Variants in PRPF40B observed in about 807,000 individuals in gnomAD.
The protein encoded by PRPF40B is pre-mRNA-processing factor 40 homolog B.
In PRPF40B, 56 loss-of-function variants were observed where a neutral mutation model predicts 124.5. The observed-to-expected ratio is 0.45, with a 90% CI of 0.36 to 0.56. The LOEUF is 0.56. Among genes scored for constraint, PRPF40B ranks in the 20% least tolerant of loss-of-function variants. The pLI is 0.00. For synonymous variants in PRPF40B, 443 were observed against 426.4 expected (o/e 1.04, Z -0.48); for missense variants, 1,053 against 1,169.5 (o/e 0.90, Z 1.45).
In PRPF40B at chr12:49,642,741, A is replaced by T; in HGVS notation, c.2118+66A>T. ...AACTCATTAGACCAGTTCAACAGAG[A>T]CCTCAGTGGCCTCCCTCTTACCCTT... is the stretch of plus-strand genomic sequence containing the variant. On this transcript the variant is annotated intron_variant, in intron 21 of 25. Coordinates refer to ENST00000548825, the MANE Select transcript of PRPF40B (RefSeq NM_001031698.3). This position sits in a 1 kb window ranked among gnomAD's most constrained non-coding sequence, Gnocchi z 5.8. 6.5e-7 allele frequency: 1 copy of T among 1,536,880 alleles called. No individual in the cohort carries two copies. Among genetic ancestry groups the T allele is most frequent in the Non-Finnish European group, 8.9e-7 (1 of 1,127,266 alleles).
Position 49,633,883 on chromosome 12 carries a change from C to G in PRPF40B, c.606-3C>G. On this transcript the variant is annotated splice_polypyrimidine_tract_variant and splice_region_variant and intron_variant, in intron 9 of 25. Coordinates refer to ENST00000548825, the MANE Select transcript of PRPF40B (RefSeq NM_001031698.3). ...GGACACCGCCCTTCTGGCTCATCTG[C>G]AGGAAACAGCAGCAGCAGCTGCCAC... 6.2e-7 allele frequency: 1 copy of G among 1,614,022 alleles called. No homozygotes were observed. Among genetic ancestry groups the G allele is most frequent in the Non-Finnish European group, 8.5e-7 (1 of 1,180,020 alleles).
intron 1 of PRPF40B, chr12:49,623,831 G>A (rs1940436050): frequency 8.3e-7 from 1 of 1,200,864 alleles, no homozygotes; most frequent in Non-Finnish European, 1.0e-6. Flanking sequence ...TGCGAGAGTG[G>A]CGGGACTGGG....
chr12:49,636,949 TCTGTG>T, intron 16 of PRPF40B, 100 bp downstream of exon 16: 1 of 1,558,242 alleles, frequency 6.4e-7, no homozygotes, highest in South Asian at 1.2e-5. Context: ...GCCTGTTCTT[TCTGTG>T]CCTAGCCCTG....
At chr12:49,633,810 T>C (rs769010308) in intron 9 of PRPF40B, 76 bp from the exon 10 acceptor site, 7 of 1,607,066 alleles carry the variant, frequency 4.4e-6, no homozygotes, top group South Asian at 2.2e-5. Context: ...CTTCCCAGGA[T>C]AGAGAAACCA....
Position 49,642,131 on chromosome 12 carries a change from G to A in PRPF40B, c.1885-104G>A. 1 of 1,603,950 alleles carries A rather than the reference G, an allele frequency of 6.2e-7. No homozygotes were observed. Among genetic ancestry groups the A allele is most frequent in the African/African-American group, 1.3e-5 (1 of 74,840 alleles). Reference sequence around the variant, plus strand: ...CTATATTCCCAATTCAGGGGATGGTGGTAGAAGCCCAGACCCTAACTTTCC... The same window carrying A: ...CTATATTCCCAATTCAGGGGATGGTAGTAGAAGCCCAGACCCTAACTTTCC... On this transcript the variant is annotated intron_variant, in intron 19 of 25. Transcript: ENST00000548825. The surrounding 1 kb of genome is among the most constrained non-coding windows in gnomAD (Gnocchi z 5.8).
intron 15 of PRPF40B, 126 bp downstream of exon 15, chr12:49,636,119 ACT>A: frequency 8.5e-7 from 1 of 1,182,722 alleles, no homozygotes; most frequent in Non-Finnish European, 1.2e-6. Context: ...AGTACTCAAC[ACT>A]CACCCAGTCC....
At chr12:49,625,649 C>G (rs1393158808) in intron 1 of PRPF40B, among the ~76,000 whole-genome samples, 1 of 152,002 alleles carries the variant, frequency 6.6e-6, no homozygotes, top group African/African-American at 2.4e-5. Flanking sequence ...CCTCACTGGC[C>G]CAGGTGAACA....
rs1942055930 is a variant in PRPF40B at position 49,637,796 on chromosome 12, A to G, written c.1739A>G (p.Glu580Gly). ...VEELKARFHD[E>G]KKIIKDILKD... ...GAGTTGAAGGCACGATTCCATGATG[A>G]AAAGAAGATCATTAAGGACATCCTT... Residue 580 changes from glutamate (E) to glycine (G), a missense_variant, in exon 18 of 26, where the codon GAA becomes GGA. This residue lies in a region of PRPF40B where 895 missense variants were observed against 1,052.2 expected (regional missense o/e 0.85). Coordinates refer to ENST00000548825, the MANE Select transcript of PRPF40B (RefSeq NM_001031698.3). The G allele has an allele frequency of 1.2e-6, 2 of 1,609,650 alleles. No individual in the cohort carries two copies. The highest frequency in any genetic ancestry group is 4.5e-5 in the East Asian group (2 of 44,736).
Position 49,633,104 on chromosome 12 carries a change from G to C in PRPF40B, c.439G>C (p.Val147Leu). 1 of 1,596,226 alleles carries C rather than the reference G, an allele frequency of 6.3e-7. No homozygotes were observed. The highest frequency in any genetic ancestry group is 2.3e-5 in the East Asian group (1 of 44,042). Residue 147 changes from valine to leucine, a missense_variant, in exon 7 of 26, where the codon GTG becomes CTG. By Grantham distance (32) the Val-to-Leu change is conservative. Around this residue, in one of 2 missense-constraint regions of PRPF40B, gnomAD observed 895 missense variants for 1,052.2 expected, o/e 0.85. Transcript: ENST00000548825. ...DKQSVWEKPSVLKSKAELLLS... is the reference protein window; with the variant it reads ...DKQSVWEKPSLLKSKAELLLS... ...GCAGTCCGTGTGGGAGAAGCCCAGC[G>C]TGCTCAAGTCCAAGGCAGAGGTCCT...
At chr12:49,637,874 C>G in intron 18 of PRPF40B, 50 bp downstream of exon 18, 2 of 1,436,642 alleles carry the variant, frequency 1.4e-6, no homozygotes, top group Non-Finnish European at 9.8e-7. Context: ...GCAGGGCACA[C>G]TCCCTGCAGA....
At chr12:49,623,428 C>A (rs1273295250), upstream of PRPF40B, 21 of 605,550 alleles carry the variant, frequency 3.5e-5, no homozygotes, top group African/African-American at 4.1e-4. Flanking sequence ...CCGAACACAC[C>A]GGGCCGGTTG....
intron 15 of PRPF40B, 73 bp from the exon 16 acceptor site, chr12:49,636,643 A>G (rs573314221): frequency 3.8e-6 from 6 of 1,595,212 alleles, no homozygotes; most frequent in Non-Finnish European, 5.1e-6. Flanking sequence ...CATCGTTGAA[A>G]CATTAGGGGT....
At chr12:49,634,248 G>A in intron 10 of PRPF40B, 84 bp from the exon 11 acceptor site, 2 of 1,605,108 alleles carry the variant, frequency 1.2e-6, no homozygotes, top group Non-Finnish European at 1.7e-6. Context: ...GAACAAGGAG[G>A]GGGTGATATG....
At chr12:49,626,192 G>GTT (rs1940698099) in intron 1 of PRPF40B, among the ~76,000 whole-genome samples, 1 of 152,200 alleles carries the variant, frequency 6.6e-6, no homozygotes, top group Non-Finnish European at 1.5e-5. Context: ...TGTATACACT[G>GTT]TTTTCAAAGT....
Position 49,632,689 on chromosome 12 carries a change from G to C in PRPF40B, c.322+66G>C. 8 of 1,600,340 alleles carry C rather than the reference G, an allele frequency of 5.0e-6. No individual in the cohort carries two copies. In the South Asian group the frequency reaches 8.9e-5, roughly 18 times the overall value. On this transcript the variant is annotated intron_variant, in intron 5 of 25. Coordinates refer to ENST00000548825, the MANE Select transcript of PRPF40B (RefSeq NM_001031698.3). Reference sequence around the variant, plus strand: ...TGGGGGGCATAGGGGAGAGGGGACCGTGGACTGGAGCCCACCCTGGATCAT... The same window carrying C: ...TGGGGGGCATAGGGGAGAGGGGACCCTGGACTGGAGCCCACCCTGGATCAT...
In PRPF40B at chr12:49,642,230, C is replaced by T. The variant is rs774645544; in HGVS notation, c.1885-5C>T. The T allele has an allele frequency of 2.5e-6, 4 of 1,614,018 alleles. No individual in the cohort carries two copies. The highest frequency in any genetic ancestry group is 3.3e-5 in the Admixed American group (2 of 60,010). On this transcript the variant is annotated splice_region_variant and splice_polypyrimidine_tract_variant and intron_variant, in intron 19 of 25. Coordinates refer to ENST00000548825, the MANE Select transcript of PRPF40B (RefSeq NM_001031698.3). This position sits in a 1 kb window ranked among gnomAD's most constrained non-coding sequence, Gnocchi z 5.8. ...GACCCTGTTCCGTGTCCCTTCTTTC[C>T]TCAGCTGCTGGAGAAAGCAGAGGCA...
intron 1 of PRPF40B, among the ~76,000 whole-genome samples, chr12:49,624,892 G>C (rs939163804): frequency 6.6e-6 from 1 of 151,838 alleles, no homozygotes. Flanking sequence ...TAGTAAGGCA[G>C]ATCTTTGGGG....
In PRPF40B at chr12:49,642,737, A is replaced by G. The variant is rs1942844423; in HGVS notation, c.2118+62A>G. 6.5e-7 allele frequency: 1 copy of G among 1,543,848 alleles called. No individual in the cohort carries two copies. The highest frequency in any genetic ancestry group is 1.9e-5 in the Admixed American group (1 of 53,898). ...CTTGAACTCATTAGACCAGTTCAAC[A>G]GAGACCTCAGTGGCCTCCCTCTTAC... On this transcript the variant is annotated intron_variant, in intron 21 of 25. Transcript: ENST00000548825. The surrounding 1 kb of genome is among the most constrained non-coding windows in gnomAD (Gnocchi z 5.8).
At chr12:49,640,442 G>T (rs1942467871) in intron 18 of PRPF40B, 1 of 152,152 alleles carries the variant, frequency 6.6e-6, no homozygotes, top group Non-Finnish European at 1.5e-5. Flanking sequence ...AGAGGGGAGT[G>T]TTGAAGAAGT....
Sources: gnomAD v4.1 joint callset for allele counts (sites outside exome capture counted in the v4.1 genomes callset) on GRCh38, gnomAD v4.1.1 for gene constraint, gnomAD v4.1.1 regional missense constraint, Gnocchi (gnomAD v3.1) non-coding constraint, MANE v1.5 for transcripts, NCBI Gene and HGNC (gene_info 2026-07-23, HGNC 2026-07-21) for gene names.